The following RASA2 variants were observed in gnomAD, a reference collection of about 807,000 sequenced individuals.
RASA2 encodes RAS p21 protein activator 2.
RASA2 carries 155 observed loss-of-function variants against 118.2 expected under a neutral mutation model. That is an observed-to-expected ratio of 1.31 (90% confidence interval 1.15 to 1.50). RASA2 has a LOEUF of 1.50. Among genes scored for constraint, RASA2 ranks in the 40% most tolerant of loss-of-function variants. The pLI, the probability that RASA2 is intolerant of heterozygous loss-of-function variation, is 0.00. For missense variants in RASA2, 1,016 were observed against 1,009.6 expected (o/e 1.01, Z -0.09); for synonymous variants, 353 against 349.1 (o/e 1.01, Z -0.12).
chr3:141,544,841 T>C (rs991276170), intron 5 of RASA2, among the ~76,000 whole-genome samples: 6 of 152,204 alleles, frequency 3.9e-5, no homozygotes, highest in Non-Finnish European at 8.8e-5. Flanking sequence ...TGCAGGAACA[T>C]AGGCGGAGCT....
chr3:141,522,479 C>T (rs974766378), intron 3 of RASA2, among the ~76,000 whole-genome samples: 37 of 152,066 alleles, frequency 2.4e-4, no homozygotes, highest in African/African-American at 8.5e-4. Flanking sequence ...GGCTGGTGCT[C>T]GGGAGGTGCA....
At chr3:141,524,066 C>T (rs538667307) in intron 3 of RASA2, among the ~76,000 whole-genome samples, 137 of 152,304 alleles carry the variant, frequency 9.0e-4, no homozygotes, top group Non-Finnish European at 1.3e-3. Context: ...TACTCCAATA[C>T]TTACTGGCTT....
chr3:141,572,047 TATATATATATATATAC>T (rs1169744163), intron 11 of RASA2, among the ~76,000 whole-genome samples: 120 of 140,932 alleles, frequency 8.5e-4, no homozygotes, highest in African/African-American at 3.2e-3. Flanking sequence ...TATATATATA[TATATATATATATATAC>T]ACACACACAC....
chr3:141,612,195 T>A, intron 23 of RASA2, 88 bp from the exon 24 acceptor site: 1 of 1,033,476 alleles, frequency 9.7e-7, no homozygotes, highest in African/African-American at 1.6e-5. Context: ...CCAGGGAAAA[T>A]TCTAAATACT....
Position 141,545,025 on chromosome 3 carries a change from C to G in RASA2, c.527+4416C>G, listed in dbSNP as rs563537944. ...GTAGGAGGAGGGAGAGGATCAGGAA[C>G]AATAACTAATGGGTGCTAGCCTTAA... On this transcript the variant is annotated intron_variant, in intron 5 of 23. Coordinates refer to ENST00000286364, the MANE Select transcript of RASA2 (RefSeq NM_006506.5). Among the ~76,000 whole-genome samples, 424 of 152,244 alleles carry G rather than the reference C, an allele frequency of 2.8e-3. 2 individuals carry two copies. The highest frequency in any genetic ancestry group is 9.9e-3 in the African/African-American group (411 of 41,542).
Position 141,581,125 on chromosome 3 carries a change from G to T in RASA2, c.1700G>T (p.Cys567Phe), listed in dbSNP as rs749257096. 13 of 1,538,432 alleles carry T rather than the reference G, an allele frequency of 8.5e-6. No individual in the cohort carries two copies. The highest frequency in any genetic ancestry group is 1.1e-5 in the Non-Finnish European group (13 of 1,150,480). Residue 567 changes from cysteine (C) to phenylalanine (F), a missense_variant, in exon 17 of 24, where the codon TGT (cysteine) becomes TTT (phenylalanine). This residue lies in a region of RASA2 where 896 missense variants were observed against 836.4 expected (regional missense o/e 1.07). Transcript: ENST00000286364. ...SKSSFKETFM[C>F]EFFKMFQEEG... The stretch of plus-strand genomic sequence containing the variant: ...TCAAGTTTCAAAGAGACATTCATGT[G>T]TGAATTTTTCAAAATGTTTCAAGAA...
rs540524162 is a variant in RASA2 at position 141,566,294 on chromosome 3, A to G, written c.864-4618A>G. Among the ~76,000 whole-genome samples, 8 of 152,346 alleles carry G rather than the reference A, an allele frequency of 5.3e-5. No homozygotes were observed. In the South Asian group the frequency reaches 1.7e-3, roughly 32 times the overall value. Reference sequence around the variant, plus strand: ...ATGCCTCTTGGTAGAACTACACAGCATTATCAATGAAGCATTCTTGCCAGA... The same window carrying G: ...ATGCCTCTTGGTAGAACTACACAGCGTTATCAATGAAGCATTCTTGCCAGA... On this transcript the variant is annotated intron_variant, in intron 9 of 23. Transcript: ENST00000286364.
intron 5 of RASA2, among the ~76,000 whole-genome samples, chr3:141,544,520 T>C (rs568039990): frequency 6.6e-6 from 1 of 152,376 alleles, no homozygotes; most frequent in Non-Finnish European, 1.5e-5. Flanking sequence ...TCACTGATTC[T>C]TTCCTCTGTC....
chr3:141,499,440 A>G (rs1209320881), intron 1 of RASA2, among the ~76,000 whole-genome samples: 1 of 152,198 alleles, frequency 6.6e-6, no homozygotes, highest in African/African-American at 2.4e-5. Context: ...ACACACACGA[A>G]AAAACAGTTC....
At chr3:141,505,909 T>C (rs967575119) in intron 1 of RASA2, among the ~76,000 whole-genome samples, 1 of 152,126 alleles carries the variant, frequency 6.6e-6, no homozygotes, top group Non-Finnish European at 1.5e-5. Flanking sequence ...ACAATTACTA[T>C]CACATGTGGG....
chr3:141,497,157 G>A (rs910771862), intron 1 of RASA2, among the ~76,000 whole-genome samples: 4 of 121,920 alleles, frequency 3.3e-5, no homozygotes, highest in Non-Finnish European at 6.5e-5. Context: ...ACACACCGGG[G>A]CCTGTCGTGG....
At chr3:141,549,820 G>A (rs914812163) in intron 5 of RASA2, among the ~76,000 whole-genome samples, 1 of 152,022 alleles carries the variant, frequency 6.6e-6, no homozygotes, top group Non-Finnish European at 1.5e-5. Context: ...GCATCTTGGG[G>A]TCTCAAAAAG....
At chr3:141,519,116 A>G (rs2082073408) in intron 3 of RASA2, among the ~76,000 whole-genome samples, 1 of 152,186 alleles carries the variant, frequency 6.6e-6, no homozygotes, top group African/African-American at 2.4e-5. Context: ...GTCAAGGGGT[A>G]TGAACATTTT....
At chr3:141,566,442 A>G (rs2082821695) in intron 9 of RASA2, among the ~76,000 whole-genome samples, 1 of 152,238 alleles carries the variant, frequency 6.6e-6, no homozygotes, top group Non-Finnish European at 1.5e-5. Context: ...ACACAATTCC[A>G]AAGGTGGAAA....
At chr3:141,593,199 C>T (rs1032405734) in intron 19 of RASA2, among the ~76,000 whole-genome samples, 4 of 152,184 alleles carry the variant, frequency 2.6e-5, no homozygotes, top group East Asian at 3.9e-4. Context: ...AGGCATGCAT[C>T]GCCATGCCCG....
chr3:141,604,590 G>C (rs1000493378), intron 19 of RASA2, among the ~76,000 whole-genome samples: 2 of 151,844 alleles, frequency 1.3e-5, no homozygotes, highest in African/African-American at 4.8e-5. Context: ...TTGCATCCTT[G>C]CCTATCAATT....
intron 5 of RASA2, among the ~76,000 whole-genome samples, chr3:141,548,418 A>T (rs1351175359): frequency 6.6e-6 from 1 of 150,920 alleles, no homozygotes; most frequent in Non-Finnish European, 1.5e-5. Context: ...TAGGTTGTAT[A>T]TGTCCAGGAA....
intron 14 of RASA2, among the ~76,000 whole-genome samples, chr3:141,576,149 G>T (rs1014593789): frequency 6.6e-6 from 1 of 152,048 alleles, no homozygotes. Flanking sequence ...CTATTAATAT[G>T]GTTATCATAT....
intron 1 of RASA2, among the ~76,000 whole-genome samples, chr3:141,500,406 C>G (rs2081762121): frequency 6.6e-6 from 1 of 152,034 alleles, no homozygotes; most frequent in African/African-American, 2.4e-5. Context: ...TTATTATATA[C>G]AAAATATTTT....
Sources: gnomAD v4.1 joint callset for allele counts (sites outside exome capture counted in the v4.1 genomes callset) on GRCh38, gnomAD v4.1.1 for gene constraint, gnomAD v4.1.1 regional missense constraint, MANE v1.5 for transcripts, NCBI Gene and HGNC (gene_info 2026-07-23, HGNC 2026-07-21) for gene names.